CHRND: variants seen among roughly 807,000 people sequenced by gnomAD.
CHRND encodes cholinergic receptor nicotinic delta subunit, also known as acetylcholine receptor subunit delta.
A neutral mutation model predicts 57.8 loss-of-function variants in CHRND; 40 were observed. The observed-to-expected ratio is 0.69, with a 90% CI of 0.54 to 0.90. The LOEUF (loss-of-function observed/expected upper bound fraction) is 0.90. Ranked by LOEUF, CHRND falls within the 40% of genes least tolerant of loss-of-function variation. The pLI is 0.00. For missense variants in CHRND, 634 were observed against 673.9 expected, an observed-to-expected ratio of 0.94 and a Z score of 0.66; for synonymous variants, 237 against 270.6, an observed-to-expected ratio of 0.88 and a Z score of 1.22.
chr2:232,536,311 T>G lies in CHRND; in HGVS notation c.*999T>G, dbSNP rs1370977865. The G allele has an allele frequency of 8.8e-6, 4 of 454,036 alleles. No individual in the cohort carries two copies. The highest frequency in any genetic ancestry group is 1.8e-5 in the Non-Finnish European group (4 of 226,814). The allele number at this position is 454,036 out of a possible 1,614,324, so 28.1% of individuals were successfully genotyped here. A position where few individuals can be genotyped will look rare whatever the true frequency, so the allele number is the denominator to read the frequency against. ...CAATAGAATGAGGCAGAAGTGATGG[T>G]ACCTCACTTCCCAGATTTGGTTAGG... On this transcript the variant is annotated 3_prime_UTR_variant, in exon 12 of 12. Coordinates refer to ENST00000258385, the MANE Select transcript of CHRND (RefSeq NM_000751.3).
Position 232,534,352 on chromosome 2 carries a change from C to A in CHRND, c.1371+10C>A, listed in dbSNP as rs762637499. The A allele has an allele frequency of 3.3e-5, 53 of 1,611,010 alleles. No homozygotes were observed. Among genetic ancestry groups the A allele is most frequent in the Non-Finnish European group, 4.4e-5 (52 of 1,177,256 alleles). On this transcript the variant is annotated intron_variant, in intron 11 of 11. Transcript: ENST00000258385. ...GAACAATTACAATGAGGTAAGGGAC[C>A]ACAGGATTGCCATGTACAGGTGTTC...
intron 9 of CHRND, among the ~76,000 whole-genome samples, chr2:232,532,476 C>CAA (rs578172115): frequency 3.3e-3 from 301 of 92,248 alleles, no homozygotes; most frequent in Middle Eastern, 5.9e-3. Context: ...ACTCTGTCTC[C>CAA]AAAAAAAAAA....
At position 232,535,974 on chromosome 2, in the gene CHRND, G is replaced by A. The variant is rs1290346113; in HGVS notation, c.*662G>A. On this transcript the variant is annotated 3_prime_UTR_variant, in exon 12 of 12. Coordinates refer to ENST00000258385, the MANE Select transcript of CHRND (RefSeq NM_000751.3). ...AGAACGCAGCACCTCTCCCCAAAGGGTCCCTGCCCCCCAGCACCTACTCCT... is the reference window on the plus strand; with the variant it reads ...AGAACGCAGCACCTCTCCCCAAAGGATCCCTGCCCCCCAGCACCTACTCCT... The A allele has an allele frequency of 6.6e-6, 3 of 454,002 alleles. No homozygotes were observed. The highest frequency in any genetic ancestry group is 2.3e-5 in the Admixed American group (1 of 42,556). The allele number at this position is 454,002 out of a possible 1,614,324, so 28.1% of individuals were successfully genotyped here. A position where few individuals can be genotyped will look rare whatever the true frequency, so the allele number is the denominator to read the frequency against.
In CHRND at chr2:232,535,362, ACAGTCCCT is replaced by A; in HGVS notation, c.*51_*58del. On this transcript the variant is annotated 3_prime_UTR_variant, in exon 12 of 12. Coordinates refer to ENST00000258385, the MANE Select transcript of CHRND (RefSeq NM_000751.3). ...GACAGCAGGGTCTGAGAGAGGAGCC[ACAGTCCCT>A]AATGACACCCACTCCTAGCCCTGAG... The A allele has an allele frequency of 6.3e-7, 1 of 1,599,302 alleles. No individual in the cohort carries two copies.
At position 232,531,364 on chromosome 2, in the gene CHRND, C is replaced by T; in HGVS notation, c.833C>T (p.Thr278Ile). ...CTGGCTTCCCCAGGTGGTGAGAAGACATCAGTGGCCATCTCGGTGCTCCTG... is the reference window on the plus strand; with the variant it reads ...CTGGCTTCCCCAGGTGGTGAGAAGATATCAGTGGCCATCTCGGTGCTCCTG... ...FYLPADSGEKTSVAISVLLAQ... is the reference protein window; with the variant it reads ...FYLPADSGEKISVAISVLLAQ... The change falls in exon 8 of 12, where the codon ACA (threonine) becomes ATA (isoleucine). Residue 278 changes from threonine to isoleucine, a missense_variant. By Grantham distance (89) the Thr-to-Ile change is moderately conservative (BLOSUM62 -1). Transcript: ENST00000258385. The T allele has an allele frequency of 6.2e-7, 1 of 1,613,208 alleles. No homozygotes were observed. The highest frequency in any genetic ancestry group is 8.5e-7 in the Non-Finnish European group (1 of 1,179,492).
At position 232,528,657 on chromosome 2, in the gene CHRND, G is replaced by A. The variant is rs200883397; in HGVS notation, c.509+1G>A. The A allele has an allele frequency of 7.4e-6, 12 of 1,613,682 alleles. No homozygotes were observed. Among genetic ancestry groups the A allele is most frequent in the Non-Finnish European group, 9.3e-6 (11 of 1,180,028 alleles). ...GGCAGAACTGCTCCCTCAAGTTCAG[G>A]TGTGCCCTTTTCTCCAGCCACCCCT... is the stretch of plus-strand genomic sequence containing the variant. On this transcript the variant is annotated splice_donor_variant, in intron 5 of 11. Transcript: ENST00000258385. LOFTEE classifies it high-confidence loss of function.
At position 232,534,150 on chromosome 2, in the gene CHRND, G is replaced by A; in HGVS notation, c.1252+15G>A. ...CACCACTGCACGTGGGTCCCCGCTGGTCTTGGTTTTCAGCCCATCTGTGGG... is the reference window on the plus strand; with the variant it reads ...CACCACTGCACGTGGGTCCCCGCTGATCTTGGTTTTCAGCCCATCTGTGGG... On this transcript the variant is annotated intron_variant, in intron 10 of 11. Coordinates refer to ENST00000258385, the MANE Select transcript of CHRND (RefSeq NM_000751.3). The A allele has an allele frequency of 1.2e-6, 2 of 1,614,090 alleles. No individual in the cohort carries two copies. Among genetic ancestry groups the A allele is most frequent in the Non-Finnish European group, 1.7e-6 (2 of 1,180,026 alleles).
At position 232,527,427 on chromosome 2, in the gene CHRND, C is replaced by G. The variant is rs146508326; in HGVS notation, c.225C>G (p.Thr75=). Reference sequence around the variant, plus strand: ...AAGAAGTTGAGGAGACCCTCACTACCAATGTGTGGATAGAGCACGTAAGAA... The same window carrying G: ...AAGAAGTTGAGGAGACCCTCACTACGAATGTGTGGATAGAGCACGTAAGAA... ...SLKEVEETLT[T]NVWIEHGWTD... is the part of the protein sequence containing the mutation. The change falls in exon 3 of 12, where the codon ACC becomes ACG. Residue 75 remains threonine, a synonymous_variant. Transcript: ENST00000258385. The G allele has an allele frequency of 8.7e-6, 14 of 1,613,232 alleles. No individual in the cohort carries two copies. The African/African-American group carries it at 1.7e-4, about 20-fold the overall frequency.
At chr2:232,529,095 C>T in intron 6 of CHRND, 124 bp downstream of exon 6, 2 of 724,226 alleles carry the variant, frequency 2.8e-6, no homozygotes, top group Non-Finnish European at 5.0e-6. Context: ...ATACACAGCT[C>T]CTCACACACG....
chr2:232,534,119 G>T lies in CHRND; in HGVS notation c.1236G>T (p.Arg412Ser), dbSNP rs1691806503. The part of the protein sequence containing the change: ...EKQSERHGLA[R>S]RLTTARRPPA... ...AGTCAGAGCGGCATGGGCTGGCCAG[G>T]CGCCTCACCACTGCACGTGGGTCCC... The change falls in exon 10 of 12, where the codon AGG (arginine) becomes AGT (serine). Residue 412 changes from arginine to serine, a missense_variant. Coordinates refer to ENST00000258385, the MANE Select transcript of CHRND (RefSeq NM_000751.3). 6.2e-7 allele frequency: 1 copy of T among 1,614,084 alleles called. No individual in the cohort carries two copies.
At chr2:232,532,238 C>T (rs561689721) in intron 9 of CHRND, among the ~76,000 whole-genome samples, 3 of 151,852 alleles carry the variant, frequency 2.0e-5, no homozygotes, top group African/African-American at 4.8e-5. Flanking sequence ...GTGGCTGAGG[C>T]GGGTGGATCA....
rs1691625403 is a variant in CHRND at position 232,530,021 on chromosome 2, G to A, written c.702G>A (p.Gln234=). The change falls in exon 7 of 12, where the codon CAG becomes CAA. Residue 234 remains glutamine (Q), a synonymous_variant. Coordinates refer to ENST00000258385, the MANE Select transcript of CHRND (RefSeq NM_000751.3). ...CCCCTCTGGACAGCCCCAGCCGCCA[G>A]GACATCACCTTCTACCTCATCATCC... ...PRAPLDSPSR[Q]DITFYLIIRR... is the part of the protein sequence containing the mutation. 6.2e-7 allele frequency: 1 copy of A among 1,614,076 alleles called. No individual in the cohort carries two copies. The highest frequency in any genetic ancestry group is 8.5e-7 in the Non-Finnish European group (1 of 1,180,012).
chr2:232,530,039 C>T lies in CHRND; in HGVS notation c.720C>T (p.Leu240=), dbSNP rs935801687. 1.2e-6 allele frequency: 2 copies of T among 1,614,148 alleles called. No homozygotes were observed. Among genetic ancestry groups the T allele is most frequent in the Non-Finnish European group, 8.5e-7 (1 of 1,180,024 alleles). Residue 240 remains leucine (L), a synonymous_variant, in exon 7 of 12, where the codon CTC becomes CTT. Coordinates refer to ENST00000258385, the MANE Select transcript of CHRND (RefSeq NM_000751.3). ...SPSRQDITFY[L]IIRRKPLFYI... Reference sequence around the variant, plus strand: ...GCCGCCAGGACATCACCTTCTACCTCATCATCCGCCGCAAGCCCCTCTTCT... The same window carrying T: ...GCCGCCAGGACATCACCTTCTACCTTATCATCCGCCGCAAGCCCCTCTTCT...
intron 2 of CHRND, 83 bp from the exon 3 acceptor site, chr2:232,527,318 G>GAA: frequency 1.6e-6 from 2 of 1,237,746 alleles, no homozygotes; most frequent in Non-Finnish European, 1.2e-6. Flanking sequence ...AAAAGAGAGA[G>GAA]AGAGAGAGAG....
chr2:232,533,853 GT>G, intron 9 of CHRND, 77 bp from the exon 10 acceptor site: 1 of 1,467,234 alleles, frequency 6.8e-7, no homozygotes, highest in Non-Finnish European at 9.4e-7. Flanking sequence ...CTCCAGCCTG[GT>G]GACAGAATGA....
At chr2:232,531,700 G>A in intron 9 of CHRND, 44 bp downstream of exon 9, 2 of 1,528,080 alleles carry the variant, frequency 1.3e-6, no homozygotes, top group Non-Finnish European at 9.0e-7. Context: ...TGTAATCCTG[G>A]CATTTCAGGA....
In CHRND at chr2:232,530,106, A is replaced by G. The variant is rs1464219996; in HGVS notation, c.787A>G (p.Met263Val). 3 of 1,613,898 alleles carry G rather than the reference A, an allele frequency of 1.9e-6. No individual in the cohort carries two copies. Among genetic ancestry groups the G allele is most frequent in the Non-Finnish European group, 2.5e-6 (3 of 1,179,964 alleles). ...ILVPCVLISF[M>V]VNLVFYLPAD... ...GGTGCCCTGCGTGCTCATCTCCTTCATGGTCAACCTGGTCTTCTACCTACC... is the reference window on the plus strand; with the variant it reads ...GGTGCCCTGCGTGCTCATCTCCTTCGTGGTCAACCTGGTCTTCTACCTACC... The change falls in exon 7 of 12, where the codon ATG becomes GTG. Residue 263 changes from methionine to valine, a missense_variant. Physicochemically the swap from Met to Val is conservative, Grantham distance 21. Coordinates refer to ENST00000258385, the MANE Select transcript of CHRND (RefSeq NM_000751.3).
chr2:232,528,313 A>T lies in CHRND; in HGVS notation c.295A>T (p.Ser99Cys), dbSNP rs1023363640. 3 of 1,613,986 alleles carry T rather than the reference A, an allele frequency of 1.9e-6. No individual in the cohort carries two copies. Among genetic ancestry groups the T allele is most frequent in the Non-Finnish European group, 1.7e-6 (2 of 1,180,014 alleles). ...GAATGCTGAAGAATTTGGAAACATC[A>T]GTGTCCTGCGCCTCCCCCCGGACAT... The part of the protein sequence containing the change: ...KWNAEEFGNI[S>C]VLRLPPDMVW... Residue 99 changes from serine to cysteine, a missense_variant, in exon 4 of 12, where the codon AGT becomes TGT. By Grantham distance (112) the Ser-to-Cys change is moderately radical (BLOSUM62 -1). Coordinates refer to ENST00000258385, the MANE Select transcript of CHRND (RefSeq NM_000751.3).
In CHRND at chr2:232,528,316, G is replaced by A; in HGVS notation, c.298G>A (p.Val100Ile). Residue 100 changes from valine to isoleucine, a missense_variant, in exon 4 of 12, where the codon GTC (valine) becomes ATC (isoleucine). Transcript: ENST00000258385. ...TGCTGAAGAATTTGGAAACATCAGT[G>A]TCCTGCGCCTCCCCCCGGACATGGT... ...WNAEEFGNIS[V>I]LRLPPDMVWL... 6.2e-7 allele frequency: 1 copy of A among 1,614,108 alleles called. No homozygotes were observed. Among genetic ancestry groups the A allele is most frequent in the African/African-American group, 1.3e-5 (1 of 75,000 alleles).
Sources: gnomAD v4.1 joint callset for allele counts (sites outside exome capture counted in the v4.1 genomes callset) on GRCh38, gnomAD v4.1.1 for gene constraint, MANE v1.5 for transcripts, NCBI Gene and HGNC (gene_info 2026-07-23, HGNC 2026-07-21) for gene names.